The following GRID1 variants were observed in gnomAD, a reference collection of about 807,000 sequenced individuals.
The protein encoded by GRID1 is glutamate receptor ionotropic, delta-1.
Under a neutral mutation model 98.0 loss-of-function variants are expected in GRID1, and 28 were observed. That is an observed-to-expected ratio of 0.29 (90% CI 0.21 to 0.39). The LOEUF is 0.39. GRID1 is among the 10% of genes least tolerant of loss of function. GRID1 has a pLI of 1.00. For missense variants in GRID1, 1,111 were observed against 1,340.5 expected (o/e 0.83, Z 2.67); for synonymous variants, 553 against 538.5 (o/e 1.03, Z -0.37).
intron 4 of GRID1, among the ~76,000 whole-genome samples, chr10:85,977,057 A>G (rs893821622): frequency 1.3e-5 from 2 of 152,094 alleles, no homozygotes; most frequent in African/African-American, 4.8e-5. Context: ...AGCCCATGAA[A>G]CCTGTGTAGG....
At chr10:86,342,820 G>A (rs867519805) in intron 2 of GRID1, among the ~76,000 whole-genome samples, 12 of 152,220 alleles carry the variant, frequency 7.9e-5, no homozygotes, top group African/African-American at 1.9e-4. Flanking sequence ...AGCCCATTCC[G>A]GAGAAGGGCT....
chr10:86,115,295 A>G (rs1277704806), intron 4 of GRID1, among the ~76,000 whole-genome samples: 1 of 152,208 alleles, frequency 6.6e-6, no homozygotes, highest in Non-Finnish European at 1.5e-5. Context: ...TTGAGGCACC[A>G]CTGCTGCATG....
chr10:85,623,076 C>T (rs1003360053), intron 13 of GRID1, among the ~76,000 whole-genome samples: 1 of 152,218 alleles, frequency 6.6e-6, no homozygotes, highest in African/African-American at 2.4e-5. Flanking sequence ...AAATACCCTC[C>T]ATTCCTAAAT....
intron 13 of GRID1, among the ~76,000 whole-genome samples, chr10:85,631,209 T>C (rs767859979): frequency 6.6e-6 from 1 of 152,228 alleles, no homozygotes; most frequent in Non-Finnish European, 1.5e-5. Flanking sequence ...GAATTTGCTA[T>C]TGGCAGAGCT....
intron 3 of GRID1, among the ~76,000 whole-genome samples, chr10:86,162,324 G>A (rs1340142482): frequency 2.6e-5 from 4 of 151,976 alleles, no homozygotes; most frequent in Non-Finnish European, 4.4e-5. Flanking sequence ...CATCATTACC[G>A]TGTCCCTGCT....
chr10:85,908,272 T>G (rs937690854), intron 5 of GRID1, among the ~76,000 whole-genome samples: 5 of 152,128 alleles, frequency 3.3e-5, no homozygotes, highest in African/African-American at 9.7e-5. Flanking sequence ...GTCAAGAATA[T>G]TTTCTCTAAG....
Position 86,186,812 on chromosome 10 carries a change from A to C in GRID1, c.520+19552T>G, listed in dbSNP as rs561434410. ...TCCTTGGGTGACAACCCCAGAGCAC[A>C]TAAGAAGCACACCATAGCCACAAAA... On this transcript the variant is annotated intron_variant, in intron 3 of 15. Coordinates refer to ENST00000327946, the MANE Select transcript of GRID1 (RefSeq NM_017551.3). Among the ~76,000 whole-genome samples, 8 of 152,368 alleles carry C rather than the reference A, an allele frequency of 5.3e-5. No individual in the cohort carries two copies. The East Asian group carries it at 9.6e-4, about 18-fold the overall frequency.
At position 86,306,770 on chromosome 10, in the gene GRID1, T is replaced by A. The variant is rs557815587; in HGVS notation, c.235+57171A>T. Among the ~76,000 whole-genome samples, 66 of 152,110 alleles carry A rather than the reference T, an allele frequency of 4.3e-4. 1 individual carries two copies. In the South Asian group the frequency reaches 0.014, roughly 32 times the overall value. On this transcript the variant is annotated intron_variant, in intron 2 of 15. Coordinates refer to ENST00000327946, the MANE Select transcript of GRID1 (RefSeq NM_017551.3). ...TGAGGACCATGTTGACATTAAAGAG[T>A]CCTAAGGTACCCTAACAGCTAAAAG...
intron 5 of GRID1, among the ~76,000 whole-genome samples, chr10:85,903,063 G>T (rs1841412016): frequency 6.6e-6 from 1 of 152,004 alleles, no homozygotes; most frequent in Admixed American, 6.6e-5. Context: ...AGTCACATGA[G>T]GTTCAATATC....
At chr10:86,185,160 CA>C (rs958172286) in intron 3 of GRID1, among the ~76,000 whole-genome samples, 1 of 152,070 alleles carries the variant, frequency 6.6e-6, no homozygotes, top group African/African-American at 2.4e-5. Context: ...CAATTTTTCT[CA>C]GCAGTGTTTT....
chr10:85,850,591 A>G (rs1184136845), intron 8 of GRID1, among the ~76,000 whole-genome samples: 3 of 152,188 alleles, frequency 2.0e-5, no homozygotes, highest in African/African-American at 7.2e-5. Context: ...TTGGAGCTAT[A>G]GTCTAGGGCA....
In GRID1 at chr10:86,209,791, A is replaced by G. The variant is rs78439456; in HGVS notation, c.236-3143T>C. On this transcript the variant is annotated intron_variant, in intron 2 of 15. Coordinates refer to ENST00000327946, the MANE Select transcript of GRID1 (RefSeq NM_017551.3). Reference sequence around the variant, plus strand: ...ACGGAGAGTCCTCCTTGCAGCCATCAGTCACTTTTGGCTCTTGTTGCCCCA... The same window carrying G: ...ACGGAGAGTCCTCCTTGCAGCCATCGGTCACTTTTGGCTCTTGTTGCCCCA... Among the ~76,000 whole-genome samples the G allele has an allele frequency of 9.7e-3, 1,482 of 152,262 alleles. 50 individuals carry two copies. In the East Asian group the frequency reaches 0.12, roughly 12 times the overall value.
intron 4 of GRID1, among the ~76,000 whole-genome samples, chr10:85,995,252 C>G (rs1387866523): frequency 6.6e-6 from 1 of 152,176 alleles, no homozygotes; most frequent in African/African-American, 2.4e-5. Context: ...GGCCACCTAT[C>G]AGCAATCCTG....
intron 5 of GRID1, among the ~76,000 whole-genome samples, chr10:85,902,766 C>T (rs1049446014): frequency 1.3e-5 from 2 of 152,196 alleles, no homozygotes; most frequent in African/African-American, 2.4e-5. Flanking sequence ...AGTTGGAGTT[C>T]TTGAGGGTTC....
chr10:85,686,373 T>A (rs1841268944), intron 12 of GRID1, among the ~76,000 whole-genome samples: 1 of 152,242 alleles, frequency 6.6e-6, no homozygotes, highest in Admixed American at 6.5e-5. Flanking sequence ...CATGTGTTGT[T>A]CACAAGACAT....
At chr10:85,944,891 G>A (rs966329224) in intron 4 of GRID1, among the ~76,000 whole-genome samples, 2 of 152,060 alleles carry the variant, frequency 1.3e-5, no homozygotes, top group Admixed American at 6.5e-5. Context: ...TAAAAACGAT[G>A]ATATAGTTAT....
chr10:86,312,699 G>C (rs1188466103), intron 2 of GRID1, among the ~76,000 whole-genome samples: 1 of 152,236 alleles, frequency 6.6e-6, no homozygotes, highest in Non-Finnish European at 1.5e-5. Flanking sequence ...GGGAGACTGA[G>C]CCTTTTATAA....
At chr10:85,675,340 C>A (rs1346223763) in intron 12 of GRID1, among the ~76,000 whole-genome samples, 1 of 152,144 alleles carries the variant, frequency 6.6e-6, no homozygotes, top group Non-Finnish European at 1.5e-5. Flanking sequence ...CCTCCACCCA[C>A]CAGCTATTCC....
intron 8 of GRID1, among the ~76,000 whole-genome samples, chr10:85,763,659 G>A (rs1021672320): frequency 1.3e-5 from 2 of 152,170 alleles, no homozygotes; most frequent in Non-Finnish European, 2.9e-5. Flanking sequence ...GCACTCACAT[G>A]GTGATGCAGG....
Sources: allele counts gnomAD v4.1 joint callset (sites outside exome capture counted in the v4.1 genomes callset), GRCh38; gene constraint gnomAD v4.1.1; transcripts MANE v1.5; gene names NCBI Gene and HGNC (gene_info 2026-07-23, HGNC 2026-07-21).